Variants in ADK observed in about 807,000 individuals in gnomAD.
ADK encodes the protein adenosine kinase, also known as N6,N6-dimethyladenosine kinase.
In ADK, 24 loss-of-function variants were observed where a neutral mutation model predicts 44.7. That is an observed-to-expected ratio of 0.54 (90% CI 0.39 to 0.76). The LOEUF (loss-of-function observed/expected upper bound fraction) is 0.76. Ranked by LOEUF, ADK falls within the 30% of genes least tolerant of loss-of-function variation. The pLI, the probability that ADK is intolerant of heterozygous loss-of-function variation, is 0.00. For missense variants in ADK, 321 were observed against 425.1 expected (o/e 0.76, Z 2.15); for synonymous variants, 128 against 142.6 (o/e 0.90, Z 0.73).
At chr10:74,349,181 A>G (rs1841876380) in intron 4 of ADK, among the ~76,000 whole-genome samples, 1 of 152,242 alleles carries the variant, frequency 6.6e-6, no homozygotes, top group Non-Finnish European at 1.5e-5. Context: ...CAGGTTACCT[A>G]CAAAAGGAAG....
At chr10:74,547,484 A>T (rs28588347) in intron 7 of ADK, among the ~76,000 whole-genome samples, 244 of 122,264 alleles carry the variant, frequency 2.0e-3, no homozygotes, top group African/African-American at 4.7e-3. Context: ...TTATTTTATT[A>T]TTTTTTTTTT....
chr10:74,497,550 A>G (rs1438142417), intron 6 of ADK, among the ~76,000 whole-genome samples: 2 of 152,222 alleles, frequency 1.3e-5, no homozygotes, highest in African/African-American at 4.8e-5. Context: ...GGTTCTAGGG[A>G]TATGGTAATG....
At chr10:74,332,828 G>A (rs1369373606) in intron 4 of ADK, among the ~76,000 whole-genome samples, 1 of 152,120 alleles carries the variant, frequency 6.6e-6, no homozygotes, top group Non-Finnish European at 1.5e-5. Flanking sequence ...AGGAATATAT[G>A]TCAAATTTTG....
chr10:74,190,023 T>G (rs1842905589), intron 1 of ADK, among the ~76,000 whole-genome samples: 1 of 152,232 alleles, frequency 6.6e-6, no homozygotes, highest in African/African-American at 2.4e-5. Flanking sequence ...ATTTTCACTT[T>G]TGGGCTGCTA....
intron 2 of ADK, among the ~76,000 whole-genome samples, chr10:74,211,583 T>C (rs1843813215): frequency 6.6e-6 from 1 of 152,178 alleles, no homozygotes. Context: ...AAAGTACAAA[T>C]GAAATCTGGG....
At chr10:74,558,261 G>A (rs867155957) in intron 7 of ADK, among the ~76,000 whole-genome samples, 8 of 152,254 alleles carry the variant, frequency 5.3e-5, no homozygotes, top group South Asian at 2.1e-4. Context: ...GCAGTGGCAC[G>A]TTCATAGCTC....
In ADK at chr10:74,328,105, C is replaced by T. The variant is rs111552966; in HGVS notation, c.273+13360C>T. On this transcript the variant is annotated intron_variant, in intron 4 of 10. Coordinates refer to ENST00000539909, the MANE Select transcript of ADK (RefSeq NM_006721.4). Reference sequence around the variant, plus strand: ...TGTATTTTTAGTAGAGACGGGGTTTCACCATGTTGCCCAGGCTGGTCTTGA... The same window carrying T: ...TGTATTTTTAGTAGAGACGGGGTTTTACCATGTTGCCCAGGCTGGTCTTGA... 7.2e-5 allele frequency among the ~76,000 whole-genome samples: 11 copies of T among 152,210 alleles called. 1 individual carries two copies. The highest frequency in any genetic ancestry group is 2.2e-4 in the African/African-American group (9 of 41,524).
chr10:74,279,503 T>C (rs1474420703), intron 3 of ADK, among the ~76,000 whole-genome samples: 2 of 151,702 alleles, frequency 1.3e-5, no homozygotes, highest in East Asian at 3.9e-4. Context: ...AGAGAATCAC[T>C]TGAACCCGGA....
At chr10:74,471,774 T>C (rs1039680286) in intron 6 of ADK, among the ~76,000 whole-genome samples, 1 of 152,210 alleles carries the variant, frequency 6.6e-6, no homozygotes, top group Admixed American at 6.5e-5. Context: ...ATTATTAATA[T>C]ATTTGTTTTC....
At chr10:74,422,531 G>C (rs1844595096) in intron 6 of ADK, among the ~76,000 whole-genome samples, 1 of 152,204 alleles carries the variant, frequency 6.6e-6, no homozygotes. Context: ...AGTAATGTAA[G>C]ATGCTAAGAT....
chr10:74,280,097 A>AT (rs1466293199), intron 3 of ADK, among the ~76,000 whole-genome samples: 1 of 151,804 alleles, frequency 6.6e-6, no homozygotes, highest in African/African-American at 2.4e-5. Flanking sequence ...TACCACACTT[A>AT]TTTTTTTGGT....
intron 4 of ADK, among the ~76,000 whole-genome samples, chr10:74,391,490 C>A (rs543551627): frequency 6.6e-6 from 1 of 151,772 alleles, no homozygotes; most frequent in East Asian, 1.9e-4. Context: ...ATAAAATTAG[C>A]AAACACAAAA....
intron 10 of ADK, 64 bp from the exon 11 acceptor site, chr10:74,708,257 C>A (rs1290790825): frequency 1.1e-4 from 168 of 1,560,970 alleles, no homozygotes; most frequent in Non-Finnish European, 1.4e-4. Flanking sequence ...ATTGGTCTGA[C>A]CCAATATGAC....
In ADK at chr10:74,452,569, T is replaced by G. The variant is rs370430818; in HGVS notation, c.555+53990T>G. ...GCTCCAGAAATGTGATAATTAGAAA[T>G]ATATTCAGGTGATTTTTTCCCTTTG... On this transcript the variant is annotated intron_variant, in intron 6 of 10. Coordinates refer to ENST00000539909, the MANE Select transcript of ADK (RefSeq NM_006721.4). 5.0e-3 allele frequency among the ~76,000 whole-genome samples: 760 copies of G among 152,192 alleles called. 9 individuals are homozygous for G. Among genetic ancestry groups the G allele is most frequent in the African/African-American group, 0.017 (712 of 41,570 alleles).
intron 4 of ADK, among the ~76,000 whole-genome samples, chr10:74,360,960 T>C (rs1462986536): frequency 1.3e-5 from 2 of 152,172 alleles, no homozygotes; most frequent in Non-Finnish European, 2.9e-5. Context: ...CATGCTGGAG[T>C]GCAGTGGTGT....
At chr10:74,289,719 T>A (rs1460187878) in intron 3 of ADK, among the ~76,000 whole-genome samples, 1 of 152,088 alleles carries the variant, frequency 6.6e-6, no homozygotes, top group African/African-American at 2.4e-5. Context: ...CTGACTACTT[T>A]AAGAAAATTT....
At chr10:74,221,630 G>C (rs1054369713) in intron 2 of ADK, among the ~76,000 whole-genome samples, 1 of 146,652 alleles carries the variant, frequency 6.8e-6, no homozygotes, top group South Asian at 2.2e-4. Context: ...ATACTACAAG[G>C]CTACAGTAAC....
chr10:74,546,399 G>GT lies in ADK; in HGVS notation c.726+20981dup, dbSNP rs1193087581. ...CTTTTCTAGAAATATTCTCATCTCT[G>GT]TTTTTTTTAGTTGCTCTTACTTAGA... On this transcript the variant is annotated intron_variant, in intron 7 of 10. Transcript: ENST00000539909. Among the ~76,000 whole-genome samples the GT allele has an allele frequency of 7.9e-5, 12 of 151,644 alleles. No individual in the cohort carries two copies. In the South Asian group the frequency reaches 2.3e-3, roughly 29 times the overall value.
intron 3 of ADK, among the ~76,000 whole-genome samples, chr10:74,261,091 A>C (rs887400234): frequency 3.3e-5 from 5 of 152,220 alleles, no homozygotes; most frequent in Non-Finnish European, 7.3e-5. Context: ...ATTTTGGTTC[A>C]ATCTATAAGC....
Sources: gnomAD v4.1 joint callset for allele counts (sites outside exome capture counted in the v4.1 genomes callset) on GRCh38, gnomAD v4.1.1 for gene constraint, MANE v1.5 for transcripts, NCBI Gene and HGNC (gene_info 2026-07-23, HGNC 2026-07-21) for gene names.